The following RFX4 variants were observed in gnomAD, a reference collection of about 807,000 sequenced individuals.
RFX4 encodes transcription factor RFX4.
RFX4 carries 10 observed loss-of-function variants against 95.0 expected under a neutral mutation model. That is an observed-to-expected ratio of 0.11 (90% CI 0.06 to 0.18). The LOEUF (loss-of-function observed/expected upper bound fraction) is 0.18. Ranked by LOEUF, RFX4 falls within the 10% of genes least tolerant of loss-of-function variation. The probability of loss-of-function intolerance (pLI) is 1.00; values close to 1 mark genes in which losing one functional copy is unlikely to be tolerated. For missense variants in RFX4, 640 were observed against 922.0 expected, an observed-to-expected ratio of 0.69 and a Z score of 3.96; for synonymous variants, 321 against 340.7, an observed-to-expected ratio of 0.94 and a Z score of 0.64.
At chr12:106,751,386 G>A (rs1475865067) in intron 17 of RFX4, among the ~76,000 whole-genome samples, 23 of 147,542 alleles carry the variant, frequency 1.6e-4, no homozygotes, top group African/African-American at 3.8e-4. Context: ...GAATAATGCC[G>A]CAATAAACAT....
chr12:106,665,379 A>G (rs1811685346), intron 4 of RFX4, among the ~76,000 whole-genome samples: 2 of 151,824 alleles, frequency 1.3e-5, no homozygotes, highest in African/African-American at 4.8e-5. Flanking sequence ...ATGGATCTTT[A>G]TATTTAAAGT....
chr12:106,745,931 TA>T (rs1015300169), intron 15 of RFX4, among the ~76,000 whole-genome samples: 5 of 152,056 alleles, frequency 3.3e-5, no homozygotes, highest in African/African-American at 1.2e-4. Context: ...AAATTATCAT[TA>T]AAAAAAATTC....
intron 7 of RFX4, among the ~76,000 whole-genome samples, chr12:106,693,680 G>T (rs2041827059): frequency 6.6e-6 from 1 of 152,114 alleles, no homozygotes; most frequent in African/African-American, 2.4e-5. Flanking sequence ...ACATCTCCAG[G>T]CTCAGGCCAC....
At chr12:106,682,284 A>AT in intron 5 of RFX4, 1 of 555,192 alleles carries the variant, frequency 1.8e-6, no homozygotes, top group Non-Finnish European at 3.2e-6. Context: ...AAGGAATCTG[A>AT]TTTTGTACCA....
chr12:106,721,091 C>T (rs2042387806), intron 13 of RFX4, among the ~76,000 whole-genome samples: 1 of 151,944 alleles, frequency 6.6e-6, no homozygotes, highest in South Asian at 2.1e-4. Flanking sequence ...GTGGTTTTGC[C>T]CACAGATAGT....
intron 8 of RFX4, among the ~76,000 whole-genome samples, chr12:106,700,175 G>T (rs771775150): frequency 4.6e-5 from 7 of 151,926 alleles, no homozygotes; most frequent in Non-Finnish European, 1.0e-4. Context: ...GAAATTACAG[G>T]CATGTGCCAC....
Position 106,732,907 on chromosome 12 carries a change from C to T in RFX4, c.1472-17C>T, listed in dbSNP as rs777812573. The T allele has an allele frequency of 6.2e-7, 1 of 1,608,464 alleles. No homozygotes were observed. Among genetic ancestry groups the T allele is most frequent in the Non-Finnish European group, 8.5e-7 (1 of 1,175,920 alleles). ...TTTACATTTGGTTTTAAAAACTTAC[C>T]CTATCTCTATCCACAGCAGAAGTCC... On this transcript the variant is annotated splice_polypyrimidine_tract_variant and intron_variant, in intron 14 of 17. Transcript: ENST00000392842.
chr12:106,671,281 C>T (rs143623806), intron 4 of RFX4, among the ~76,000 whole-genome samples: 12 of 152,198 alleles, frequency 7.9e-5, no homozygotes, highest in East Asian at 3.9e-4. Context: ...TGGAAACAAA[C>T]GCCCGATGAC....
intron 8 of RFX4, among the ~76,000 whole-genome samples, chr12:106,708,654 C>T (rs1026140574): frequency 6.6e-5 from 10 of 152,110 alleles, no homozygotes; most frequent in African/African-American, 1.9e-4. Context: ...TGGAGGAGAA[C>T]GAACCTAGGC....
intron 17 of RFX4, among the ~76,000 whole-genome samples, chr12:106,759,389 T>C (rs147291474): frequency 7.6e-4 from 115 of 151,856 alleles, no homozygotes; most frequent in South Asian, 1.7e-3. Flanking sequence ...TACCCAGGAG[T>C]TGACTTGAGA....
rs193262581 is a variant in RFX4, at chr12:106,685,908, T to C, written c.378-976T>C. Among the ~76,000 whole-genome samples the C allele has an allele frequency of 2.8e-3, 427 of 152,348 alleles. 8 individuals are homozygous for C. Among genetic ancestry groups the C allele is most frequent in the Non-Finnish European group, 8.7e-4 (59 of 68,028 alleles). On this transcript the variant is annotated intron_variant, in intron 5 of 17. Coordinates refer to ENST00000392842, the MANE Select transcript of RFX4 (RefSeq NM_213594.3). ...TGCAAACTGCCTGGCATGTAGCCAA[T>C]ATATAATGCTCAATAGATTATAGCT...
intron 4 of RFX4, among the ~76,000 whole-genome samples, chr12:106,656,894 C>T (rs575701384): frequency 6.6e-5 from 10 of 152,282 alleles, no homozygotes; most frequent in Middle Eastern, 3.4e-3. Flanking sequence ...AAAAAACATC[C>T]GAACTCCATC....
At chr12:106,701,768 G>GCT (rs1468791509) in intron 8 of RFX4, among the ~76,000 whole-genome samples, 37 of 152,198 alleles carry the variant, frequency 2.4e-4, no homozygotes, top group African/African-American at 8.7e-4. Context: ...GTGCCGTATG[G>GCT]CTCACACCTG....
At chr12:106,734,526 G>A (rs1221241227) in intron 15 of RFX4, among the ~76,000 whole-genome samples, 1 of 151,788 alleles carries the variant, frequency 6.6e-6, no homozygotes, top group Non-Finnish European at 1.5e-5. Context: ...AACCCAGGAG[G>A]TGGAGGTTGC....
At chr12:106,638,312 A>G (rs1321700343) in intron 2 of RFX4, among the ~76,000 whole-genome samples, 1 of 152,186 alleles carries the variant, frequency 6.6e-6, no homozygotes, top group African/African-American at 2.4e-5. Context: ...CTGGCCTTAC[A>G]TTGAATTTTA....
intron 8 of RFX4, among the ~76,000 whole-genome samples, chr12:106,696,872 T>C (rs2041889883): frequency 6.6e-6 from 1 of 152,216 alleles, no homozygotes; most frequent in African/African-American, 2.4e-5. Flanking sequence ...ACAAAACAAC[T>C]TAACCTTGAA....
chr12:106,650,452 G>A (rs573690491), intron 3 of RFX4, among the ~76,000 whole-genome samples: 1 of 152,344 alleles, frequency 6.6e-6, no homozygotes, highest in South Asian at 2.1e-4. Context: ...GTCAAAGATG[G>A]CCAGGCGCTG....
intron 2 of RFX4, among the ~76,000 whole-genome samples, chr12:106,633,801 C>T (rs980723348): frequency 1.3e-5 from 2 of 152,208 alleles, no homozygotes; most frequent in Admixed American, 6.5e-5. Context: ...GGAGACACTG[C>T]GATGGAATCC....
intron 4 of RFX4, among the ~76,000 whole-genome samples, chr12:106,668,851 G>T (rs943750649): frequency 2.0e-5 from 3 of 152,176 alleles, no homozygotes; most frequent in Non-Finnish European, 4.4e-5. Context: ...AGGGTGACAT[G>T]ATTCATGGTC....
Sources: allele counts gnomAD v4.1 joint callset (sites outside exome capture counted in the v4.1 genomes callset), GRCh38; gene constraint gnomAD v4.1.1; transcripts MANE v1.5; gene names NCBI Gene and HGNC (gene_info 2026-07-23, HGNC 2026-07-21).